The following KEAP1 variants were observed in gnomAD, a reference collection of about 807,000 sequenced individuals.
KEAP1 encodes kelch-like ECH-associated protein 1.
In KEAP1, 26 loss-of-function variants were observed where a neutral mutation model predicts 59.7. That is an observed-to-expected ratio of 0.44 (90% CI 0.32 to 0.60). The LOEUF is 0.60. KEAP1 is among the 20% of genes least tolerant of loss of function. The pLI is 0.06. For synonymous variants in KEAP1, 350 were observed against 358.3 expected, an observed-to-expected ratio of 0.98 and a Z score of 0.26; for missense variants, 539 against 871.4, an observed-to-expected ratio of 0.62 and a Z score of 4.80.
chr19:10,486,458 G>T lies in KEAP1; in HGVS notation c.*194C>A. 1.6e-6 allele frequency: 1 copy of T among 636,858 alleles called. No homozygotes were observed. Among genetic ancestry groups the T allele is most frequent in the Non-Finnish European group, 2.8e-6 (1 of 363,046 alleles). 39.5% of individuals were successfully genotyped at this position (636,858 alleles called of 1,614,324 possible). The stretch of plus-strand genomic sequence containing the variant: ...AGCCAGGCTGTCTTGGACACTCCCG[G>T]GGCTCCGCTGAGGGGCACATGATTC... On this transcript the variant is annotated 3_prime_UTR_variant, in exon 6 of 6. Transcript: ENST00000171111.
At chr19:10,486,874 G>A (rs1914479782) in intron 5 of KEAP1, 56 bp from the exon 6 acceptor site, 1 of 1,557,570 alleles carries the variant, frequency 6.4e-7, no homozygotes, top group Non-Finnish European at 8.7e-7. Flanking sequence ...CCAAGAGCAG[G>A]GGACAGAAAG....
chr19:10,499,749 G>A lies in KEAP1; in HGVS notation c.285C>T (p.Ala95=), dbSNP rs1332936035. 1.9e-6 allele frequency: 3 copies of A among 1,614,096 alleles called. No individual in the cohort carries two copies. ...YQDAPAAQFM[A]HKVVLASSSP... ...TGGATGAGGCCAGCACCACCTTGTG[G>A]GCCATGAACTGGGCGGCCGGTGCAT... Residue 95 remains alanine, a synonymous_variant, in exon 2 of 6, where the codon GCC becomes GCT. Coordinates refer to ENST00000171111, the MANE Select transcript of KEAP1 (RefSeq NM_203500.2). The surrounding 1 kb of genome is among the most constrained non-coding windows in gnomAD (Gnocchi z 6.7).
intron 2 of KEAP1, among the ~76,000 whole-genome samples, chr19:10,495,698 CAAA>C (rs879747384): frequency 7.3e-6 from 1 of 136,974 alleles, no homozygotes; most frequent in African/African-American, 2.7e-5. Flanking sequence ...ACTCCATCTC[CAAA>C]AAAAAAAAAA....
intron 2 of KEAP1, among the ~76,000 whole-genome samples, chr19:10,497,207 G>T (rs1422568484): frequency 6.6e-6 from 1 of 151,864 alleles, no homozygotes; most frequent in Non-Finnish European, 1.5e-5. Flanking sequence ...ACACAAGAAA[G>T]AAACACTGTA....
At chr19:10,497,083 C>T (rs1914875928) in intron 2 of KEAP1, among the ~76,000 whole-genome samples, 1 of 150,814 alleles carries the variant, frequency 6.6e-6, no homozygotes, top group Non-Finnish European at 1.5e-5. Context: ...GATACAGTGC[C>T]ACTGCATGCC....
chr19:10,489,127 CAAAAG>C, intron 5 of KEAP1, 60 bp downstream of exon 5: 1 of 760,348 alleles, frequency 1.3e-6, no homozygotes, highest in Non-Finnish European at 1.9e-6. Context: ...AAAAGGAAAG[CAAAAG>C]CAAAAGCAGT....
chr19:10,500,992 T>A (rs545306879), intron 1 of KEAP1, among the ~76,000 whole-genome samples: 1 of 152,244 alleles, frequency 6.6e-6, no homozygotes, highest in East Asian at 1.9e-4. Context: ...GGGTGCAGTT[T>A]TTTAAAATCT....
chr19:10,486,456 C>G lies in KEAP1; in HGVS notation c.*196G>C, dbSNP rs758919228. ...CCAGCCAGGCTGTCTTGGACACTCC[C>G]GGGGCTCCGCTGAGGGGCACATGAT... is the stretch of plus-strand genomic sequence containing the variant. On this transcript the variant is annotated 3_prime_UTR_variant, in exon 6 of 6. Transcript: ENST00000171111. 1.4e-5 allele frequency: 9 copies of G among 629,522 alleles called. No homozygotes were observed. The Admixed American group carries it at 1.9e-4, about 14-fold the overall frequency. 39.0% of individuals were successfully genotyped at this position (629,522 alleles called of 1,614,324 possible).
intron 2 of KEAP1, 70 bp from the exon 3 acceptor site, chr19:10,492,332 C>T (rs1215633699): frequency 8.4e-7 from 1 of 1,194,890 alleles, no homozygotes; most frequent in East Asian, 2.4e-5. Flanking sequence ...AGGACCGGGA[C>T]AAGTAACTTA....
chr19:10,495,553 C>A (rs556153619), intron 2 of KEAP1, among the ~76,000 whole-genome samples: 1 of 151,904 alleles, frequency 6.6e-6, no homozygotes, highest in African/African-American at 2.4e-5. Flanking sequence ...AAAAAATTAG[C>A]CAGCTGTGGT....
intron 4 of KEAP1, 62 bp from the exon 5 acceptor site, chr19:10,489,430 A>G (rs1454862407): frequency 6.6e-7 from 1 of 1,526,428 alleles, no homozygotes; most frequent in Non-Finnish European, 8.9e-7. Context: ...CCCAGCCATC[A>G]CCTCCTTGAG....
At chr19:10,496,487 T>C (rs1417181014) in intron 2 of KEAP1, among the ~76,000 whole-genome samples, 3 of 141,178 alleles carry the variant, frequency 2.1e-5, no homozygotes, top group African/African-American at 8.2e-5. Flanking sequence ...AGAGTGAGAC[T>C]CTGTCCCCCA....
intron 1 of KEAP1, among the ~76,000 whole-genome samples, chr19:10,500,441 C>A (rs1029337777): frequency 6.6e-6 from 1 of 152,122 alleles, no homozygotes; most frequent in Non-Finnish European, 1.5e-5. Flanking sequence ...CTTTCTAGAG[C>A]ATGTTGAGCT....
rs2144630197 is a variant in KEAP1 at position 10,499,910 on chromosome 19, C to T, written c.124G>A (p.Val42Met). ...CGGTTGCCATGCTGGGAGGGCGTCA[C>T]CTCCGCCTTGCACTCAGTGGAGGCG... Reference protein sequence around the residue: ...MYASTECKAEVTPSQHGNRTF... With the variant: ...MYASTECKAEMTPSQHGNRTF... Residue 42 changes from valine (V) to methionine (M), a missense_variant, in exon 2 of 6, where the codon GTG becomes ATG. Coordinates refer to ENST00000171111, the MANE Select transcript of KEAP1 (RefSeq NM_203500.2). This position sits in a 1 kb window ranked among gnomAD's most constrained non-coding sequence, Gnocchi z 6.7. 1 of 1,613,264 alleles carries T rather than the reference C, an allele frequency of 6.2e-7. No individual in the cohort carries two copies. Among genetic ancestry groups the T allele is most frequent in the Non-Finnish European group, 8.5e-7 (1 of 1,179,780 alleles).
Position 10,486,834 on chromosome 19 carries a change from A to T in KEAP1, c.1709-16T>A, listed in dbSNP as rs2144579177. ...TCATAGCCTCCTGCGGGAAGAACAG[A>T]AGGGATGGTCACCACCTGTCACACC... On this transcript the variant is annotated splice_polypyrimidine_tract_variant and intron_variant, in intron 5 of 5. Transcript: ENST00000171111. The T allele has an allele frequency of 6.2e-7, 1 of 1,606,998 alleles. No homozygotes were observed. Among genetic ancestry groups the T allele is most frequent in the Non-Finnish European group, 8.5e-7 (1 of 1,175,288 alleles).
At chr19:10,492,640 C>A in intron 2 of KEAP1, 1 of 205,246 alleles carries the variant, frequency 4.9e-6, no homozygotes, top group Non-Finnish European at 1.0e-5. Context: ...ATCGCTTGAA[C>A]CCGGGAGGCG....
intron 2 of KEAP1, among the ~76,000 whole-genome samples, chr19:10,497,112 A>G (rs1178714628): frequency 6.7e-6 from 1 of 149,762 alleles, no homozygotes. Flanking sequence ...TGACAGAGTG[A>G]GACTCCGTCT....
chr19:10,500,665 G>A (rs1469845110), intron 1 of KEAP1, among the ~76,000 whole-genome samples: 1 of 151,318 alleles, frequency 6.6e-6, no homozygotes, highest in Non-Finnish European at 1.5e-5. Flanking sequence ...CGTGAGAATC[G>A]GGTGCAGTTT....
intron 5 of KEAP1, among the ~76,000 whole-genome samples, chr19:10,487,188 CAT>C (rs1317974696): frequency 1.1e-4 from 17 of 151,374 alleles, no homozygotes; most frequent in African/African-American, 3.2e-4. Flanking sequence ...TACAAAAAAA[CAT>C]AAAAATTTAG....
Sources: gnomAD v4.1 joint callset for allele counts (sites outside exome capture counted in the v4.1 genomes callset) on GRCh38, gnomAD v4.1.1 for gene constraint, Gnocchi (gnomAD v3.1) non-coding constraint, MANE v1.5 for transcripts, NCBI Gene and HGNC (gene_info 2026-07-23, HGNC 2026-07-21) for gene names.